The following SNX3 variants were observed in gnomAD, a reference collection of about 807,000 sequenced individuals.
The protein encoded by SNX3 is sorting nexin-3.
A neutral mutation model predicts 17.7 loss-of-function variants in SNX3; 5 were observed. The ratio of observed to expected loss-of-function variants is 0.28; its 90% CI spans 0.15 to 0.59. SNX3 has a LOEUF of 0.59. SNX3 is among the 20% of genes least tolerant of loss of function. The probability of loss-of-function intolerance (pLI) is 0.88; values close to 1 mark genes in which losing one functional copy is unlikely to be tolerated. For missense variants in SNX3, 132 were observed against 206.8 expected, an observed-to-expected ratio of 0.64 and a Z score of 2.22; for synonymous variants, 91 against 76.5, an observed-to-expected ratio of 1.19 and a Z score of -0.99.
intron 1 of SNX3, among the ~76,000 whole-genome samples, chr6:108,248,418 C>A (rs901380326): frequency 6.6e-6 from 1 of 152,178 alleles, no homozygotes; most frequent in Non-Finnish European, 1.5e-5. Context: ...TGTGAACTTA[C>A]TGAATGCAGT....
At chr6:108,256,998 G>C (rs1363596364) in intron 1 of SNX3, among the ~76,000 whole-genome samples, 1 of 152,178 alleles carries the variant, frequency 6.6e-6, no homozygotes, top group Non-Finnish European at 1.5e-5. Flanking sequence ...TGGGAAACTT[G>C]CATTCTAAGT....
At position 108,244,340 on chromosome 6, in the gene SNX3, G is replaced by C. The variant is rs540572376; in HGVS notation, c.162+16420C>G. ...CTAGCTAATTTTTATTTTTTGTAGA[G>C]AGGAGGGTCTCACTATGTTACCCAG... On this transcript the variant is annotated intron_variant, in intron 1 of 3. Coordinates refer to ENST00000230085, the MANE Select transcript of SNX3 (RefSeq NM_003795.6). 1.4e-4 allele frequency among the ~76,000 whole-genome samples: 21 copies of C among 152,172 alleles called. No individual in the cohort carries two copies. In the South Asian group the frequency reaches 2.3e-3, roughly 17 times the overall value.
chr6:108,244,647 GTTTTTTTTTTTT>G (rs1021781550), intron 1 of SNX3, among the ~76,000 whole-genome samples: 2 of 87,232 alleles, frequency 2.3e-5, no homozygotes, highest in South Asian at 1.0e-3. Context: ...TAAGTAAGGA[GTTTTTTTTTTTT>G]TTTTTTTTTT....
chr6:108,259,229 T>A (rs1776116625), intron 1 of SNX3, among the ~76,000 whole-genome samples: 1 of 152,132 alleles, frequency 6.6e-6, no homozygotes, highest in Non-Finnish European at 1.5e-5. Context: ...ATCCTATGAT[T>A]CAATTTTTAT....
At chr6:108,218,414 C>A (rs879103141) in intron 2 of SNX3, among the ~76,000 whole-genome samples, 135 of 152,172 alleles carry the variant, frequency 8.9e-4, no homozygotes, top group Non-Finnish European at 1.9e-3. Context: ...AGTAGAACCT[C>A]ACATTGCTGG....
chr6:108,236,141 A>G (rs1429394775), intron 1 of SNX3, among the ~76,000 whole-genome samples: 1 of 152,036 alleles, frequency 6.6e-6, no homozygotes, highest in Non-Finnish European at 1.5e-5. Context: ...TTGAAGACTG[A>G]GTTGCTCTCT....
At chr6:108,252,050 G>T (rs1325296075) in intron 1 of SNX3, among the ~76,000 whole-genome samples, 3 of 149,524 alleles carry the variant, frequency 2.0e-5, no homozygotes, top group East Asian at 3.9e-4. Context: ...GGGCAACAGG[G>T]TGAGAGACTG....
At chr6:108,243,475 C>G (rs906248943) in intron 1 of SNX3, among the ~76,000 whole-genome samples, 1 of 152,178 alleles carries the variant, frequency 6.6e-6, no homozygotes, top group African/African-American at 2.4e-5. Flanking sequence ...AGTTTGTAAG[C>G]ATGATGATTG....
rs143415088 is a variant in SNX3 at position 108,227,632 on chromosome 6, CTGGT to C, written c.163-4591_163-4588del. Among the ~76,000 whole-genome samples the C allele has an allele frequency of 7.4e-3, 1,127 of 152,262 alleles. 13 individuals carry two copies. Among genetic ancestry groups the C allele is most frequent in the African/African-American group, 0.025 (1,018 of 41,540 alleles). On this transcript the variant is annotated intron_variant, in intron 1 of 3. Coordinates refer to ENST00000230085, the MANE Select transcript of SNX3 (RefSeq NM_003795.6). ...AAGAAAGTTCCTTTAGTTTTCTTAA[CTGGT>C]TATGATTTCTCTTTTTGCATGAGGA...
At chr6:108,229,489 TC>T (rs1775074297) in intron 1 of SNX3, among the ~76,000 whole-genome samples, 1 of 141,960 alleles carries the variant, frequency 7.0e-6, no homozygotes, top group Non-Finnish European at 1.5e-5. Flanking sequence ...CTCAGGCTGG[TC>T]TTGAACTCCT....
At chr6:108,253,550 T>C (rs1438346581) in intron 1 of SNX3, among the ~76,000 whole-genome samples, 1 of 152,202 alleles carries the variant, frequency 6.6e-6, no homozygotes, top group Non-Finnish European at 1.5e-5. Flanking sequence ...TAGAGATTGG[T>C]ATGCTTTCAG....
intron 1 of SNX3, among the ~76,000 whole-genome samples, chr6:108,246,313 C>CT (rs71015538): frequency 0.034 from 1,636 of 48,002 alleles, 335 homozygotes; most frequent in Non-Finnish European, 0.041. Context: ...TTTGAGCATT[C>CT]TTTTTTTTTT....
chr6:108,236,533 G>A (rs1446700271), intron 1 of SNX3, among the ~76,000 whole-genome samples: 10 of 150,990 alleles, frequency 6.6e-5, no homozygotes, highest in Middle Eastern at 3.4e-3. Context: ...ACAGGCGCCC[G>A]CCACTACGCC....
chr6:108,224,657 A>G (rs1048376685), intron 1 of SNX3, among the ~76,000 whole-genome samples: 9 of 152,206 alleles, frequency 5.9e-5, no homozygotes, highest in African/African-American at 2.2e-4. Flanking sequence ...AAAGACCTAA[A>G]TAAAACATTA....
At chr6:108,231,057 C>G (rs1484155160) in intron 1 of SNX3, among the ~76,000 whole-genome samples, 1 of 151,354 alleles carries the variant, frequency 6.6e-6, no homozygotes, top group African/African-American at 2.4e-5. Flanking sequence ...GAGGCAACAT[C>G]CTAGCGCGCT....
chr6:108,222,330 G>C (rs780700701), intron 2 of SNX3: 2 of 1,303,892 alleles, frequency 1.5e-6, no homozygotes, highest in South Asian at 2.5e-5. Context: ...GCTGAAATGA[G>C]AGACACCAGA....
chr6:108,221,208 T>A (rs529456963), intron 2 of SNX3, among the ~76,000 whole-genome samples: 29 of 152,174 alleles, frequency 1.9e-4, no homozygotes, highest in African/African-American at 6.5e-4. Flanking sequence ...AGTGAGGCCT[T>A]CCCTTGTGCT....
intron 1 of SNX3, among the ~76,000 whole-genome samples, chr6:108,236,655 T>C (rs892855479): frequency 2.0e-5 from 3 of 152,126 alleles, no homozygotes; most frequent in Non-Finnish European, 4.4e-5. Flanking sequence ...CCCAAAGTGC[T>C]GGGATTACAG....
intron 1 of SNX3, among the ~76,000 whole-genome samples, chr6:108,223,513 T>C (rs75023667): frequency 1.1e-5 from 1 of 91,754 alleles, no homozygotes; most frequent in African/African-American, 3.4e-5. Context: ...TTTTTTTTTT[T>C]TTTTTTTTTT....
Sources: allele counts gnomAD v4.1 joint callset (sites outside exome capture counted in the v4.1 genomes callset), GRCh38; gene constraint gnomAD v4.1.1; transcripts MANE v1.5; gene names NCBI Gene and HGNC (gene_info 2026-07-23, HGNC 2026-07-21).